The following APIP variants were observed in gnomAD, a reference collection of about 807,000 sequenced individuals.
APIP encodes the protein methylthioribulose-1-phosphate dehydratase.
A neutral mutation model predicts 32.0 loss-of-function variants in APIP; 32 were observed. The ratio of observed to expected loss-of-function variants is 1.00; its 90% CI spans 0.76 to 1.34. APIP has a LOEUF of 1.34. APIP is among the 40% of genes most tolerant of loss of function. APIP has a pLI of 0.00. For synonymous variants in APIP, 92 were observed against 94.8 expected, an observed-to-expected ratio of 0.97 and a Z score of 0.17; for missense variants, 247 against 298.6, an observed-to-expected ratio of 0.83 and a Z score of 1.27.
In APIP at chr11:34,900,697, G is replaced by C. The variant is rs1012037749; in HGVS notation, c.58-5587C>G. ...GAGGAGACAAAGAGGAGATAGGGAA[G>C]GTGAGGAAGAAGTGGAAACTCCATT... On this transcript the variant is annotated intron_variant, in intron 1 of 6. Coordinates refer to ENST00000395787, the MANE Select transcript of APIP (RefSeq NM_015957.4). Among the ~76,000 whole-genome samples the C allele has an allele frequency of 2.6e-5, 4 of 152,028 alleles. 1 individual carries two copies. Among genetic ancestry groups the C allele is most frequent in the African/African-American group, 9.7e-5 (4 of 41,316 alleles).
At position 34,888,330 on chromosome 11, in the gene APIP, TTA is replaced by T; in HGVS notation, c.422_423del (p.Ile141LysfsTer13). On this transcript the variant is annotated frameshift_variant, in exon 5 of 7. Transcript: ENST00000395787. LOFTEE classifies it high-confidence loss of function. ...REFKITHQEM[I>X]KGIKKCTSGG... ...CCGGAAGTACATTTCTTTATTCCTT[TTA>T]TCATCTCTTGATGTGTAATTTTAAA... 6.2e-7 allele frequency: 1 copy of T among 1,608,336 alleles called. No homozygotes were observed. The highest frequency in any genetic ancestry group is 8.5e-7 in the Non-Finnish European group (1 of 1,177,800).
intron 1 of APIP, among the ~76,000 whole-genome samples, chr11:34,915,553 C>T (rs944416809): frequency 2.0e-5 from 3 of 152,074 alleles, no homozygotes; most frequent in Admixed American, 2.0e-4. Flanking sequence ...TTCTCCAGAC[C>T]CTGGGCCATT....
intron 1 of APIP, among the ~76,000 whole-genome samples, chr11:34,909,072 A>G (rs898964641): frequency 1.3e-5 from 2 of 152,234 alleles, no homozygotes; most frequent in Admixed American, 6.5e-5. Context: ...GAGGCTGCTG[A>G]AAGAGTTTAA....
chr11:34,900,437 G>A (rs145639622), intron 1 of APIP, among the ~76,000 whole-genome samples: 10 of 152,206 alleles, frequency 6.6e-5, no homozygotes, highest in Admixed American at 4.6e-4. Flanking sequence ...TGCCATGAGG[G>A]TTCAAGTTCC....
chr11:34,884,429 C>T (rs1853023218), intron 5 of APIP, among the ~76,000 whole-genome samples: 2 of 152,160 alleles, frequency 1.3e-5, no homozygotes, highest in South Asian at 4.1e-4. Context: ...TAATTATAGA[C>T]TATCCTTAAC....
chr11:34,898,892 G>A (rs1853330973), intron 1 of APIP, among the ~76,000 whole-genome samples: 1 of 143,062 alleles, frequency 7.0e-6, no homozygotes, highest in Non-Finnish European at 1.5e-5. Flanking sequence ...TCCGCCTCCC[G>A]GGTTCACGCC....
At chr11:34,886,284 T>A (rs1020752215) in intron 5 of APIP, among the ~76,000 whole-genome samples, 14 of 152,012 alleles carry the variant, frequency 9.2e-5, no homozygotes, top group African/African-American at 2.9e-4. Context: ...TAGGCTAATA[T>A]ATGTGTTTGT....
intron 1 of APIP, among the ~76,000 whole-genome samples, chr11:34,902,490 A>AT (rs1316857221): frequency 7.2e-4 from 110 of 151,886 alleles, no homozygotes; most frequent in African/African-American, 2.6e-3. Context: ...TAGGATTAGT[A>AT]CTGTCCAAGG....
intron 1 of APIP, among the ~76,000 whole-genome samples, chr11:34,903,752 A>C (rs922721700): frequency 6.6e-6 from 1 of 152,096 alleles, no homozygotes; most frequent in African/African-American, 2.4e-5. Context: ...AGAGAAATTA[A>C]ACCTCAGTAC....
rs761199870 is a variant in APIP at position 34,916,302 on chromosome 11, C to T, written c.-18G>A. On this transcript the variant is annotated 5_prime_UTR_variant, in exon 1 of 7. Transcript: ENST00000395787. ...CCAGACATGGCCCAGACCAGGGACC[C>T]GCGCGGCCTCCAATCTCCGCACGGC... The T allele has an allele frequency of 2.9e-4, 462 of 1,610,900 alleles. No homozygotes were observed. Among genetic ancestry groups the T allele is most frequent in the Non-Finnish European group, 3.7e-4 (439 of 1,178,934 alleles).
chr11:34,901,210 T>C (rs1159934412), intron 1 of APIP, among the ~76,000 whole-genome samples: 1 of 152,086 alleles, frequency 6.6e-6, no homozygotes, highest in Non-Finnish European at 1.5e-5. Context: ...CCAAGGTGCA[T>C]CCACTAGCTG....
chr11:34,882,654 C>T lies in APIP; in HGVS notation c.*63G>A. ...AATTTCAATTCATTTAAAAAAATAG[C>T]TTTCATTTAAATAATAATTACGTTT... On this transcript the variant is annotated 3_prime_UTR_variant, in exon 7 of 7. Transcript: ENST00000395787. 2 of 1,253,548 alleles carry T rather than the reference C, an allele frequency of 1.6e-6. No homozygotes were observed. Among genetic ancestry groups the T allele is most frequent in the Non-Finnish European group, 2.2e-6 (2 of 900,508 alleles). 77.7% of individuals were successfully genotyped at this position (1,253,548 alleles called of 1,614,324 possible).
chr11:34,913,394 T>A (rs1258246209), intron 1 of APIP, among the ~76,000 whole-genome samples: 1 of 152,158 alleles, frequency 6.6e-6, no homozygotes, highest in East Asian at 1.9e-4. Flanking sequence ...GTACGGAGTT[T>A]GTTCGTTCAG....
chr11:34,906,732 T>C (rs1167368634), intron 1 of APIP, among the ~76,000 whole-genome samples: 1 of 152,158 alleles, frequency 6.6e-6, no homozygotes, highest in African/African-American at 2.4e-5. Context: ...AATCTACAGC[T>C]ACCTAAAGAT....
intron 2 of APIP, among the ~76,000 whole-genome samples, chr11:34,893,545 A>AAT (rs1344977985): frequency 6.6e-6 from 1 of 152,234 alleles, no homozygotes; most frequent in Non-Finnish European, 1.5e-5. Flanking sequence ...GTTTTGGCAA[A>AAT]ATAATGTGAA....
intron 1 of APIP, among the ~76,000 whole-genome samples, chr11:34,898,476 G>C (rs1237193497): frequency 6.6e-6 from 1 of 152,074 alleles, no homozygotes; most frequent in African/African-American, 2.4e-5. Flanking sequence ...AAGGCCTCTG[G>C]GTCGGACCCA....
At chr11:34,896,510 G>A (rs140294228) in intron 1 of APIP, among the ~76,000 whole-genome samples, 1,851 of 152,142 alleles carry the variant, frequency 0.012, 32 homozygotes, top group African/African-American at 0.043. Flanking sequence ...CTCATAAATG[G>A]GATTTGAACA....
rs773841994 is a variant in APIP at position 34,888,439 on chromosome 11, A to G, written c.326-11T>C. 1.9e-6 allele frequency: 3 copies of G among 1,603,474 alleles called. No homozygotes were observed. Among genetic ancestry groups the G allele is most frequent in the Non-Finnish European group, 2.5e-6 (3 of 1,176,832 alleles). The stretch of plus-strand genomic sequence containing the variant: ...TCACTGCACCTGCTCCTGAAGGAGG[A>G]AGAAGAAAGCCGCATGCTCAATGAA... On this transcript the variant is annotated splice_polypyrimidine_tract_variant and intron_variant, in intron 4 of 6. Transcript: ENST00000395787.
intron 1 of APIP, among the ~76,000 whole-genome samples, chr11:34,905,257 C>G (rs1202992718): frequency 6.6e-6 from 1 of 151,968 alleles, no homozygotes; most frequent in East Asian, 1.9e-4. Context: ...AGTAATACAT[C>G]ACACCCTTTA....
Sources: allele counts gnomAD v4.1 joint callset (sites outside exome capture counted in the v4.1 genomes callset), GRCh38; gene constraint gnomAD v4.1.1; transcripts MANE v1.5; gene names NCBI Gene and HGNC (gene_info 2026-07-23, HGNC 2026-07-21).